The following DMTF1 variants were observed in gnomAD, a reference collection of about 807,000 sequenced individuals.
DMTF1 encodes cyclin-D-binding Myb-like transcription factor 1.
A neutral mutation model predicts 91.1 loss-of-function variants in DMTF1; 39 were observed. That is an observed-to-expected ratio of 0.43 (90% confidence interval 0.33 to 0.56). DMTF1 has a LOEUF of 0.56. DMTF1 is among the 20% of genes least tolerant of loss of function. The pLI is 0.05. For missense variants in DMTF1, 750 were observed against 914.5 expected, an observed-to-expected ratio of 0.82 and a Z score of 2.32; for synonymous variants, 338 against 309.5, an observed-to-expected ratio of 1.09 and a Z score of -0.97.
intron 2 of DMTF1, chr7:87,164,211 A>G (rs1031678030): frequency 3.3e-5 from 5 of 152,182 alleles, no homozygotes; most frequent in African/African-American, 1.2e-4. Context: ...TGAAGACTTC[A>G]ACCAGGCTAT....
intron 5 of DMTF1, among the ~76,000 whole-genome samples, chr7:87,171,747 G>T (rs1180930691): frequency 6.6e-6 from 1 of 152,094 alleles, no homozygotes; most frequent in Admixed American, 6.5e-5. Context: ...GCATAAAGTA[G>T]TGAAAAATGG....
chr7:87,188,242 C>G lies in DMTF1; in HGVS notation c.1352C>G (p.Thr451Arg). ...QIRVARLEDNTAISSSPMAAL... is the reference protein window; with the variant it reads ...QIRVARLEDNRAISSSPMAAL... ...AGAGTTGCCCGCTTGGAAGATAATACAGCCATCTCTTCTAGCCCCATGGCA... is the reference window on the plus strand; with the variant it reads ...AGAGTTGCCCGCTTGGAAGATAATAGAGCCATCTCTTCTAGCCCCATGGCA... Residue 451 changes from threonine to arginine, a missense_variant, in exon 13 of 18, where the codon ACA becomes AGA. Physicochemically the swap from Thr to Arg is moderately conservative, Grantham distance 71 (BLOSUM62 -1). Around this residue, in one of 3 missense-constraint regions of DMTF1, gnomAD observed 410 missense variants for 420.2 expected, o/e 0.98. Coordinates refer to ENST00000331242, the MANE Select transcript of DMTF1 (RefSeq NM_001142327.2). 6.2e-7 allele frequency: 1 copy of G among 1,613,988 alleles called. No homozygotes were observed. The highest frequency in any genetic ancestry group is 1.1e-5 in the South Asian group (1 of 91,080).
chr7:87,160,649 CA>C (rs1792084571), intron 1 of DMTF1, among the ~76,000 whole-genome samples: 1 of 152,122 alleles, frequency 6.6e-6, no homozygotes, highest in South Asian at 2.1e-4. Context: ...CTACTCCCAC[CA>C]AAACTACTTT....
chr7:87,158,131 C>T (rs1025898416), intron 1 of DMTF1, among the ~76,000 whole-genome samples: 1 of 151,940 alleles, frequency 6.6e-6, no homozygotes, highest in Non-Finnish European at 1.5e-5. Flanking sequence ...AGAAGGTGTT[C>T]TGTATGGTTT....
At chr7:87,181,034 G>C (rs529216849) in intron 8 of DMTF1, among the ~76,000 whole-genome samples, 14 of 152,154 alleles carry the variant, frequency 9.2e-5, no homozygotes, top group African/African-American at 3.4e-4. Context: ...GTTTTTGGTA[G>C]AGATGGGGTT....
At chr7:87,186,048 G>A in intron 12 of DMTF1, 68 bp downstream of exon 12, 1 of 1,549,290 alleles carries the variant, frequency 6.5e-7, no homozygotes, top group Non-Finnish European at 8.9e-7. Context: ...GGAGTGAGAG[G>A]TTAGAAGTTC....
chr7:87,194,935 C>A, intron 17 of DMTF1, 96 bp from the exon 18 acceptor site: 2 of 1,424,936 alleles, frequency 1.4e-6, no homozygotes, highest in East Asian at 2.3e-5. Context: ...GCTACTAGTC[C>A]TGTTGAGTTC....
intron 4 of DMTF1, among the ~76,000 whole-genome samples, chr7:87,170,395 TAAAA>T (rs922291222): frequency 2.0e-5 from 3 of 152,194 alleles, no homozygotes; most frequent in African/African-American, 7.2e-5. Context: ...ACCTAAGAGT[TAAAA>T]CCAAAACCTT....
At chr7:87,184,715 T>C in intron 11 of DMTF1, 90 bp downstream of exon 11, 1 of 1,103,906 alleles carries the variant, frequency 9.1e-7, no homozygotes, top group Non-Finnish European at 1.4e-6. Flanking sequence ...CCTGGATGCC[T>C]AGTGTCTGAA....
At chr7:87,156,739 T>G (rs1020142863) in intron 1 of DMTF1, among the ~76,000 whole-genome samples, 2 of 151,442 alleles carry the variant, frequency 1.3e-5, no homozygotes, top group South Asian at 4.1e-4. Flanking sequence ...AAGCAGACTT[T>G]CATTATTTCA....
chr7:87,181,352 A>G lies in DMTF1; in HGVS notation c.710+11A>G. The G allele has an allele frequency of 8.1e-7, 1 of 1,235,322 alleles. No homozygotes were observed. The highest frequency in any genetic ancestry group is 1.2e-6 in the Non-Finnish European group (1 of 867,688). 76.5% of individuals were successfully genotyped at this position (1,235,322 alleles called of 1,614,324 possible). Reference sequence around the variant, plus strand: ...TGAGAAGCTCAAGGAGTAAGTTTTAAAGTTTTTTTCATTAATTCTAATTTT... The same window carrying G: ...TGAGAAGCTCAAGGAGTAAGTTTTAGAGTTTTTTTCATTAATTCTAATTTT... On this transcript the variant is annotated intron_variant, in intron 9 of 17. Coordinates refer to ENST00000331242, the MANE Select transcript of DMTF1 (RefSeq NM_001142327.2).
intron 1 of DMTF1, among the ~76,000 whole-genome samples, chr7:87,160,279 T>C (rs1346721520): frequency 6.7e-6 from 1 of 148,722 alleles, no homozygotes; most frequent in African/African-American, 2.4e-5. Flanking sequence ...GTCATTTCTT[T>C]TTTTTTTTTT....
chr7:87,169,504 A>G (rs1007158147), intron 4 of DMTF1, among the ~76,000 whole-genome samples: 5 of 151,960 alleles, frequency 3.3e-5, no homozygotes, highest in Non-Finnish European at 5.9e-5. Flanking sequence ...TTCTTACTCA[A>G]TTTTCCTCCT....
rs755419283 is a variant in DMTF1 at position 87,185,859 on chromosome 7, T to C, written c.1080T>C (p.Asn360=). 9.3e-6 allele frequency: 15 copies of C among 1,613,748 alleles called. No homozygotes were observed. The highest frequency in any genetic ancestry group is 2.2e-5 in the South Asian group (2 of 91,086). ...RIAELDVADE[N]DINWDLLAEG... is the part of the protein sequence containing the mutation. ...CAGAACTTGATGTAGCTGATGAAAA[T>C]GACATTAACTGGGATCTGTTAGCTG... Residue 360 remains asparagine, a synonymous_variant, in exon 12 of 18, where the codon AAT becomes AAC. Transcript: ENST00000331242.
intron 7 of DMTF1, among the ~76,000 whole-genome samples, chr7:87,178,854 A>C (rs1156872003): frequency 6.6e-6 from 1 of 151,172 alleles, no homozygotes; most frequent in Non-Finnish European, 1.5e-5. Context: ...AATGTCATCT[A>C]TGTCATGTGG....
chr7:87,179,294 A>G (rs2129138213), intron 7 of DMTF1, among the ~76,000 whole-genome samples: 1 of 152,048 alleles, frequency 6.6e-6, no homozygotes, highest in East Asian at 1.9e-4. Context: ...TTAACTTTTT[A>G]TAATTTTAAA....
chr7:87,181,140 C>T, intron 8 of DMTF1, 169 bp from the exon 9 acceptor site: 1 of 439,466 alleles, frequency 2.3e-6, no homozygotes, highest in South Asian at 2.4e-5. Flanking sequence ...GTGAGCCGCA[C>T]CCTGCCTATT....
At chr7:87,179,416 GA>G (rs34502083) in intron 7 of DMTF1, 128 bp from the exon 8 acceptor site, 1 of 629,660 alleles carries the variant, frequency 1.6e-6, no homozygotes, top group Non-Finnish European at 2.3e-6. Context: ...ATTTATTAAT[GA>G]ATTAGTGATA....
At chr7:87,162,486 A>G (rs2129060639) in intron 1 of DMTF1, among the ~76,000 whole-genome samples, 1 of 152,374 alleles carries the variant, frequency 6.6e-6, no homozygotes, top group African/African-American at 2.4e-5. Context: ...TCACAGACAC[A>G]CATACACCGG....
Sources: gnomAD v4.1 joint callset for allele counts (sites outside exome capture counted in the v4.1 genomes callset) on GRCh38, gnomAD v4.1.1 for gene constraint, gnomAD v4.1.1 regional missense constraint, MANE v1.5 for transcripts, NCBI Gene and HGNC (gene_info 2026-07-23, HGNC 2026-07-21) for gene names.